Variants in FGF12 observed in about 807,000 individuals in gnomAD.
FGF12 encodes the protein fibroblast growth factor 12, also known as fibroblast growth factor 12B.
Under a neutral mutation model 23.6 loss-of-function variants are expected in FGF12, and 14 were observed. That is an observed-to-expected ratio of 0.59 (90% CI 0.39 to 0.93). The LOEUF is 0.93. FGF12 is among the 40% of genes least tolerant of loss of function. The pLI is 0.00. For synonymous variants in FGF12, 62 were observed against 77.3 expected, an observed-to-expected ratio of 0.80 and a Z score of 1.04; for missense variants, 175 against 217.8, an observed-to-expected ratio of 0.80 and a Z score of 1.24.
At chr3:192,432,556 C>T (rs539144540) in intron 2 of FGF12, among the ~76,000 whole-genome samples, 5 of 146,308 alleles carry the variant, frequency 3.4e-5, no homozygotes, top group African/African-American at 1.0e-4. Flanking sequence ...TGTTGTGAAC[C>T]GCCTGTGGGA....
intron 2 of FGF12, among the ~76,000 whole-genome samples, chr3:192,470,250 T>C (rs1723131947): frequency 6.6e-6 from 1 of 152,214 alleles, no homozygotes; most frequent in Non-Finnish European, 1.5e-5. Context: ...AGAGGTTTTT[T>C]TAAAAAATTC....
At chr3:192,148,145 G>A (rs535759868) in intron 5 of FGF12, among the ~76,000 whole-genome samples, 1 of 152,256 alleles carries the variant, frequency 6.6e-6, no homozygotes, top group Non-Finnish European at 1.5e-5. Flanking sequence ...AGGGACCCCA[G>A]CATCTATCTG....
Position 192,253,199 on chromosome 3 carries a change from A to T in FGF12, c.228+82162T>A, listed in dbSNP as rs187516295. Among the ~76,000 whole-genome samples, 277 of 152,238 alleles carry T rather than the reference A, an allele frequency of 1.8e-3. 2 individuals carry two copies. The highest frequency in any genetic ancestry group is 5.4e-3 in the African/African-American group (226 of 41,560). On this transcript the variant is annotated intron_variant, in intron 4 of 5. Transcript: ENST00000445105. ...TCACCCTCTCAATTGCATACTTTAC[A>T]AAAGTGCTCAGTCACCTCCTTTCAA...
chr3:192,526,201 T>A (rs770208892), intron 2 of FGF12, among the ~76,000 whole-genome samples: 1 of 152,168 alleles, frequency 6.6e-6, no homozygotes, highest in Non-Finnish European at 1.5e-5. Context: ...CATTATCACC[T>A]CTGTCAATAA....
At chr3:192,436,810 CT>C (rs35283324) in intron 2 of FGF12, among the ~76,000 whole-genome samples, 1 of 152,276 alleles carries the variant, frequency 6.6e-6, no homozygotes, top group East Asian at 1.9e-4. Flanking sequence ...ACGCATCCCC[CT>C]TTTTTGGGTA....
intron 2 of FGF12, among the ~76,000 whole-genome samples, chr3:192,364,984 C>A (rs918651327): frequency 6.6e-6 from 1 of 152,022 alleles, no homozygotes; most frequent in Non-Finnish European, 1.5e-5. Flanking sequence ...TAGCACTTTA[C>A]CTCTGTGATC....
Position 192,409,026 on chromosome 3 carries a change from G to C in FGF12, c.14-48488C>G, listed in dbSNP as rs1348460046. On this transcript the variant is annotated intron_variant, in intron 2 of 5. Transcript: ENST00000445105. The surrounding 1 kb of genome is among the most constrained non-coding windows in gnomAD (Gnocchi z 4.8). ...GGGCAGCTGTTTCCAGCTGCGGTGA[G>C]AGCAACTCCCGGCCAGCAGCACTGC... 1 of 983,388 alleles carries C rather than the reference G, an allele frequency of 1.0e-6. No homozygotes were observed. The highest frequency in any genetic ancestry group is 1.8e-5 in the African/African-American group (1 of 56,618). The allele number at this position is 983,388 out of a possible 1,614,324, so 60.9% of individuals were successfully genotyped here. A position where few individuals can be genotyped will look rare whatever the true frequency, so the allele number is the denominator to read the frequency against.
intron 2 of FGF12, among the ~76,000 whole-genome samples, chr3:192,422,940 G>C (rs1432087410): frequency 6.6e-6 from 1 of 152,090 alleles, no homozygotes; most frequent in Non-Finnish European, 1.5e-5. Context: ...GGCTGGGCAG[G>C]GTGGGAAAAC....
chr3:192,285,932 A>T, intron 4 of FGF12, among the ~76,000 whole-genome samples: 1 of 152,058 alleles, frequency 6.6e-6, no homozygotes, highest in East Asian at 1.9e-4. Context: ...AAATTAGCAC[A>T]ACCTGGTGCC....
At chr3:192,395,350 C>A (rs1720474272) in intron 2 of FGF12, among the ~76,000 whole-genome samples, 1 of 152,098 alleles carries the variant, frequency 6.6e-6, no homozygotes, top group African/African-American at 2.4e-5. Context: ...ACATGAAGTT[C>A]TAAGTATTTA....
intron 2 of FGF12, among the ~76,000 whole-genome samples, chr3:192,688,537 A>G (rs1365048989): frequency 1.3e-5 from 2 of 152,252 alleles, no homozygotes; most frequent in Non-Finnish European, 2.9e-5. Context: ...GTGACCTTAA[A>G]GAATTGGACA....
intron 4 of FGF12, among the ~76,000 whole-genome samples, chr3:192,221,588 T>C (rs1291613013): frequency 6.6e-6 from 1 of 152,148 alleles, no homozygotes; most frequent in Non-Finnish European, 1.5e-5. Context: ...ACATCATAAA[T>C]AGTCCTTTAA....
At chr3:192,189,768 C>A (rs1001491001) in intron 4 of FGF12, among the ~76,000 whole-genome samples, 23 of 152,138 alleles carry the variant, frequency 1.5e-4, no homozygotes, top group Non-Finnish European at 7.4e-5. Flanking sequence ...ATCACCATAA[C>A]CACGAGAAAA....
chr3:192,274,570 G>T lies in FGF12; in HGVS notation c.228+60791C>A, dbSNP rs529825987. 3.9e-4 allele frequency among the ~76,000 whole-genome samples: 58 copies of T among 147,900 alleles called. 1 individual carries two copies. In the Middle Eastern group the frequency reaches 0.014, roughly 35 times the overall value. ...AAGAATTTGGCAAGAAAGAGAGGAAGAGAGAGGAGAGAGAAGAGGGGAAAG... is the reference window on the plus strand; with the variant it reads ...AAGAATTTGGCAAGAAAGAGAGGAATAGAGAGGAGAGAGAAGAGGGGAAAG... On this transcript the variant is annotated intron_variant, in intron 4 of 5. Transcript: ENST00000445105.
At chr3:192,247,488 G>T (rs1392220093) in intron 4 of FGF12, among the ~76,000 whole-genome samples, 1 of 152,046 alleles carries the variant, frequency 6.6e-6, no homozygotes, top group South Asian at 2.1e-4. Flanking sequence ...ATGATTTAAA[G>T]GTCAGCCAAC....
At chr3:192,452,394 GGATTT>G (rs149252322) in intron 2 of FGF12, among the ~76,000 whole-genome samples, 4,059 of 152,158 alleles carry the variant, frequency 0.027, 79 homozygotes, top group Non-Finnish European at 0.037. Context: ...ATACATTAAT[GGATTT>G]GATTTGTCAG....
intron 4 of FGF12, among the ~76,000 whole-genome samples, chr3:192,314,593 A>G (rs1338874964): frequency 2.0e-5 from 3 of 152,186 alleles, no homozygotes; most frequent in South Asian, 4.1e-4. Context: ...ATGAACCAAT[A>G]CCGATAAATG....
At chr3:192,584,779 C>G (rs949638614) in intron 2 of FGF12, among the ~76,000 whole-genome samples, 3 of 152,026 alleles carry the variant, frequency 2.0e-5, no homozygotes, top group African/African-American at 7.3e-5. Flanking sequence ...CTCTGCTTGG[C>G]TAAGACATTT....
intron 2 of FGF12, among the ~76,000 whole-genome samples, chr3:192,469,588 T>C (rs2108812714): frequency 6.6e-6 from 1 of 152,328 alleles, no homozygotes; most frequent in Non-Finnish European, 1.5e-5. Flanking sequence ...AGTAGAATTG[T>C]GTAAGATCTA....
Sources: gnomAD v4.1 joint callset for allele counts (sites outside exome capture counted in the v4.1 genomes callset) on GRCh38, gnomAD v4.1.1 for gene constraint, Gnocchi (gnomAD v3.1) non-coding constraint, MANE v1.5 for transcripts, NCBI Gene and HGNC (gene_info 2026-07-23, HGNC 2026-07-21) for gene names.